Variants in NIPSNAP1 observed in about 807,000 individuals in gnomAD.
The protein encoded by NIPSNAP1 is nipsnap homolog 1, also known as protein NipSnap homolog 1.
A neutral mutation model predicts 49.2 loss-of-function variants in NIPSNAP1; 25 were observed. That is an observed-to-expected ratio of 0.51 (90% CI 0.37 to 0.71). The LOEUF (loss-of-function observed/expected upper bound fraction) is 0.71. NIPSNAP1 is among the 30% of genes least tolerant of loss of function. The pLI, the probability that NIPSNAP1 is intolerant of heterozygous loss-of-function variation, is 0.00. For synonymous variants in NIPSNAP1, 143 were observed against 140.7 expected (o/e 1.02, Z -0.12); for missense variants, 294 against 361.0 (o/e 0.81, Z 1.50).
intron 4 of NIPSNAP1, among the ~76,000 whole-genome samples, chr22:29,563,216 A>G (rs2064348343): frequency 6.6e-6 from 1 of 152,096 alleles, no homozygotes; most frequent in Admixed American, 6.6e-5. Context: ...CAGTGAGTCA[A>G]GATTGTGCCA....
intron 1 of NIPSNAP1, among the ~76,000 whole-genome samples, chr22:29,572,922 A>G (rs1291947878): frequency 1.3e-5 from 2 of 152,044 alleles, no homozygotes; most frequent in African/African-American, 4.8e-5. Context: ...CAAGGCTACA[A>G]TGAACTATGA....
intron 9 of NIPSNAP1, among the ~76,000 whole-genome samples, chr22:29,556,385 G>A (rs1206500906): frequency 5.9e-5 from 9 of 151,946 alleles, no homozygotes; most frequent in African/African-American, 9.7e-5. Context: ...TTAGCCGGGC[G>A]TAGTGGCACA....
intron 1 of NIPSNAP1, among the ~76,000 whole-genome samples, chr22:29,571,559 G>A (rs969844403): frequency 1.4e-4 from 21 of 151,976 alleles, no homozygotes; most frequent in Non-Finnish European, 2.6e-4. Flanking sequence ...AGGAGGCAGG[G>A]GTGCTTATTT....
Position 29,559,016 on chromosome 22 carries a change from G to A in NIPSNAP1, c.707-63C>T. 7.3e-6 allele frequency: 9 copies of A among 1,241,024 alleles called. No individual in the cohort carries two copies. In the South Asian group the frequency reaches 1.1e-4, roughly 15 times the overall value. 76.9% of individuals were successfully genotyped at this position (1,241,024 alleles called of 1,614,324 possible). ...GGACTGGATCCCTTACCCAGCACAG[G>A]GCCCTCTTCCCACTGTCCCCTAAAC... On this transcript the variant is annotated intron_variant, in intron 8 of 9. Coordinates refer to ENST00000216121, the MANE Select transcript of NIPSNAP1 (RefSeq NM_003634.4).
chr22:29,574,261 CAA>C (rs1158442759), intron 1 of NIPSNAP1, among the ~76,000 whole-genome samples: 5 of 36,688 alleles, frequency 1.4e-4, no homozygotes, highest in African/African-American at 4.0e-4. Context: ...TCCATCTTCA[CAA>C]AAAAAAAAAA....
intron 1 of NIPSNAP1, among the ~76,000 whole-genome samples, chr22:29,574,252 C>T (rs1490143424): frequency 1.5e-5 from 1 of 64,826 alleles, no homozygotes; most frequent in Non-Finnish European, 2.6e-5. Context: ...GAGTGAGACT[C>T]CATCTTCACA....
rs377086143 is a variant in NIPSNAP1 at position 29,558,931 on chromosome 22, C to T, written c.729G>A (p.Arg243=). 1.2e-6 allele frequency: 2 copies of T among 1,613,618 alleles called. No individual in the cohort carries two copies. Among genetic ancestry groups the T allele is most frequent in the East Asian group, 2.2e-5 (1 of 44,880 alleles). The part of the protein sequence containing the change: ...HLWAYKDLQS[R]EETRNAAWRK... ...TCCAGGCAGCGTTTCGAGTCTCCTCCCGAGACTGCAGGTCTTTATAGGCTG... is the reference window on the plus strand; with the variant it reads ...TCCAGGCAGCGTTTCGAGTCTCCTCTCGAGACTGCAGGTCTTTATAGGCTG... Residue 243 remains arginine (R), a synonymous_variant, in exon 9 of 10, where the codon CGG becomes CGA. Coordinates refer to ENST00000216121, the MANE Select transcript of NIPSNAP1 (RefSeq NM_003634.4).
chr22:29,569,309 G>A, intron 3 of NIPSNAP1, 22 bp from the exon 4 acceptor site: 1 of 1,594,804 alleles, frequency 6.3e-7, no homozygotes, highest in Non-Finnish European at 8.6e-7. Flanking sequence ...GTGCAGAGAG[G>A]GGCAGGGTTC....
chr22:29,581,026 C>T lies in NIPSNAP1; in HGVS notation c.57G>A (p.Pro19=). 1 of 1,537,120 alleles carries T rather than the reference C, an allele frequency of 6.5e-7. No individual in the cohort carries two copies. Among genetic ancestry groups the T allele is most frequent in the Non-Finnish European group, 8.7e-7 (1 of 1,145,180 alleles). ...SVTARRLLGG[P]GPRAGDVASA... is the part of the protein sequence containing the mutation. ...ACGCAACGTCCCCAGCGCGAGGCCC[C>T]GGGCCCCCCAGCAGCCGCCGCGCCG... The change falls in exon 1 of 10, where the codon CCG becomes CCA. Residue 19 remains proline (P), a synonymous_variant. Transcript: ENST00000216121.
intron 7 of NIPSNAP1, 31 bp from the exon 8 acceptor site, chr22:29,560,859 G>A: frequency 6.3e-7 from 1 of 1,596,318 alleles, no homozygotes; most frequent in Non-Finnish European, 8.6e-7. Context: ...TGGGGCAGAA[G>A]CCAGGGCTGG....
chr22:29,558,038 G>A (rs2064308271), intron 9 of NIPSNAP1, among the ~76,000 whole-genome samples: 1 of 152,152 alleles, frequency 6.6e-6, no homozygotes, highest in Non-Finnish European at 1.5e-5. Context: ...TGAGGTGGGA[G>A]GACTGCTTGA....
rs2064335811 is a variant in NIPSNAP1, at chr22:29,561,551, G to A, written c.534C>T (p.Pro178=). The A allele has an allele frequency of 1.2e-6, 2 of 1,614,010 alleles. No homozygotes were observed. Among genetic ancestry groups the A allele is most frequent in the South Asian group, 1.1e-5 (1 of 91,090 alleles). ...GCTCATAGATGTTGGGACCCATTCT[G>A]GGCTGTGGCTCATTCCAGAAGCTGA... The part of the protein sequence containing the change: ...LEFSFWNEPQ[P]RMGPNIYELR... The change falls in exon 6 of 10, where the codon CCC becomes CCT. Residue 178 remains proline, a synonymous_variant. Transcript: ENST00000216121.
At chr22:29,561,264 C>T in intron 6 of NIPSNAP1, 62 bp from the exon 7 acceptor site, 1 of 1,597,370 alleles carries the variant, frequency 6.3e-7, no homozygotes, top group Admixed American at 1.7e-5. Flanking sequence ...AGCATCACAG[C>T]TTGGCAAGGA....
In NIPSNAP1 at chr22:29,561,974, G is replaced by A. The variant is rs1601488933; in HGVS notation, c.368-112C>T. Reference sequence around the variant, plus strand: ...GGGAGGCGGGGTGGCCTGGTTCCCTGTAGCAGCAAGACTCCCTGAGTTCCC... The same window carrying A: ...GGGAGGCGGGGTGGCCTGGTTCCCTATAGCAGCAAGACTCCCTGAGTTCCC... On this transcript the variant is annotated intron_variant, in intron 4 of 9. Coordinates refer to ENST00000216121, the MANE Select transcript of NIPSNAP1 (RefSeq NM_003634.4). 3.5e-6 allele frequency: 3 copies of A among 857,592 alleles called. No individual in the cohort carries two copies. The African/African-American group carries it at 4.9e-5, about 14-fold the overall frequency. 53.1% of individuals were successfully genotyped at this position (857,592 alleles called of 1,614,324 possible).
chr22:29,569,671 C>G (rs536327596), intron 3 of NIPSNAP1, among the ~76,000 whole-genome samples: 299 of 84,650 alleles, frequency 3.5e-3, no homozygotes, highest in Non-Finnish European at 5.7e-3. Context: ...TCCTGGAGAC[C>G]ATCTCTTAAA....
At chr22:29,561,890 TGAGCTGCTGG>T in intron 4 of NIPSNAP1, 28 bp from the exon 5 acceptor site, 1 of 1,611,608 alleles carries the variant, frequency 6.2e-7, no homozygotes, top group Non-Finnish European at 8.5e-7. Context: ...TATAGGTCAG[TGAGCTGCTGG>T]GACCCCCAGC....
At chr22:29,556,592 C>T (rs1253776557) in intron 9 of NIPSNAP1, among the ~76,000 whole-genome samples, 1 of 152,100 alleles carries the variant, frequency 6.6e-6, no homozygotes, top group Non-Finnish European at 1.5e-5. Context: ...GAGGGTGCAG[C>T]CTAGAGAAGG....
rs915964530 is a variant in NIPSNAP1, at chr22:29,554,906, T to G, written c.*1029A>C. ...CTACCCAAGGGTTCATGATGAGGTA[T>G]GGGGGTCACTGAGGAGACCCCCAGA... On this transcript the variant is annotated 3_prime_UTR_variant, in exon 10 of 10. Coordinates refer to ENST00000216121, the MANE Select transcript of NIPSNAP1 (RefSeq NM_003634.4). 18 of 152,720 alleles carry G rather than the reference T, an allele frequency of 1.2e-4. No homozygotes were observed. Among genetic ancestry groups the G allele is most frequent in the African/African-American group, 3.9e-4 (16 of 41,470 alleles). 9.5% of individuals were successfully genotyped at this position (152,720 alleles called of 1,614,324 possible). A position where few individuals can be genotyped will look rare whatever the true frequency, so the allele number is the denominator to read the frequency against.
At chr22:29,556,395 A>G (rs1291233978) in intron 9 of NIPSNAP1, among the ~76,000 whole-genome samples, 2 of 151,948 alleles carry the variant, frequency 1.3e-5, no homozygotes, top group East Asian at 3.9e-4. Flanking sequence ...GTAGTGGCAC[A>G]TGCTTGTAAT....
Sources: gnomAD v4.1 joint callset for allele counts (sites outside exome capture counted in the v4.1 genomes callset) on GRCh38, gnomAD v4.1.1 for gene constraint, MANE v1.5 for transcripts, NCBI Gene and HGNC (gene_info 2026-07-23, HGNC 2026-07-21) for gene names.